RORB: variants seen among roughly 807,000 people sequenced by gnomAD.
RORB encodes the protein nuclear receptor ROR-beta.
Under a neutral mutation model 59.1 loss-of-function variants are expected in RORB, and 6 were observed. The observed-to-expected ratio is 0.10, with a 90% confidence interval of 0.06 to 0.20. The LOEUF (loss-of-function observed/expected upper bound fraction) is 0.20, where lower values mean the gene tolerates loss of function less well. Among genes scored for constraint, RORB ranks in the 10% least tolerant of loss-of-function variants. The pLI is 1.00. For synonymous variants in RORB, 215 were observed against 204.5 expected, an observed-to-expected ratio of 1.05 and a Z score of -0.44; for missense variants, 320 against 560.5, an observed-to-expected ratio of 0.57 and a Z score of 4.33.
At chr9:74,532,841 C>CATAT (rs1554664995) in intron 1 of RORB, among the ~76,000 whole-genome samples, 3 of 134,214 alleles carry the variant, frequency 2.2e-5, no homozygotes, top group Admixed American at 2.2e-4. Context: ...TATATATACA[C>CATAT]ATATATATAC....
chr9:74,661,268 TTAA>T (rs1340913999), intron 5 of RORB, among the ~76,000 whole-genome samples: 1 of 152,226 alleles, frequency 6.6e-6, no homozygotes, highest in Non-Finnish European at 1.5e-5. Context: ...GAAGAAGTTT[TTAA>T]GAGGAATTTA....
chr9:74,605,529 CTTAGA>C (rs1823136288), intron 1 of RORB, among the ~76,000 whole-genome samples: 1 of 152,186 alleles, frequency 6.6e-6, no homozygotes, highest in Non-Finnish European at 1.5e-5. Flanking sequence ...CTGTCTGCTC[CTTAGA>C]TTAAAGAGGA....
intron 1 of RORB, among the ~76,000 whole-genome samples, chr9:74,555,680 G>T (rs972568860): frequency 1.3e-5 from 2 of 152,164 alleles, no homozygotes; most frequent in Non-Finnish European, 1.5e-5. Flanking sequence ...TCAGATCCTG[G>T]AGTGTCCACA....
chr9:74,663,227 T>A (rs974605654), intron 6 of RORB, among the ~76,000 whole-genome samples: 2 of 152,098 alleles, frequency 1.3e-5, no homozygotes, highest in Non-Finnish European at 2.9e-5. Context: ...ATAAGAACCA[T>A]GATGGTGTTT....
intron 7 of RORB, among the ~76,000 whole-genome samples, chr9:74,666,900 A>T (rs1786154646): frequency 6.6e-6 from 1 of 152,248 alleles, no homozygotes; most frequent in Non-Finnish European, 1.5e-5. Flanking sequence ...GGTTTTAACG[A>T]TTGATAGTGC....
rs1563921215 is a variant in RORB, at chr9:74,497,927, C to G, written c.-50C>G. 4 of 1,606,730 alleles carry G rather than the reference C, an allele frequency of 2.5e-6. No individual in the cohort carries two copies. The Admixed American group carries it at 5.1e-5, about 20-fold the overall frequency. On this transcript the variant is annotated 5_prime_UTR_variant, in exon 1 of 10. Coordinates refer to ENST00000376896, the MANE Select transcript of RORB (RefSeq NM_006914.4). ...CGGGATTTTTGGGCTCTCCGGGGTT[C>G]GGGCTGGGAGCAGCTTCATGACTAC...
At position 74,642,771 on chromosome 9, in the gene RORB, T is replaced by G; in HGVS notation, c.593T>G (p.Phe198Cys). The G allele has an allele frequency of 6.2e-7, 1 of 1,610,900 alleles. No homozygotes were observed. The highest frequency in any genetic ancestry group is 1.7e-5 in the Admixed American group (1 of 59,918). Reference sequence around the variant, plus strand: ...CCCAACTTGTTTACCTATAGCTCTTTCAACAATGGGCAGTTAGCACCAGGG... The same window carrying G: ...CCCAACTTGTTTACCTATAGCTCTTGCAACAATGGGCAGTTAGCACCAGGG... Reference protein sequence around the residue: ...SVPNLFTYSSFNNGQLAPGIT... With the variant: ...SVPNLFTYSSCNNGQLAPGIT... The change falls in exon 4 of 10, where the codon TTC becomes TGC. Residue 198 changes from phenylalanine (F) to cysteine (C), a missense_variant. Transcript: ENST00000376896.
In RORB at chr9:74,668,273, C is replaced by T. The variant is rs140483219; in HGVS notation, c.1111+372C>T. On this transcript the variant is annotated intron_variant, in intron 8 of 9. Transcript: ENST00000376896. Reference sequence around the variant, plus strand: ...TTGGATGAGACACAGTAGAAATGTACCTAAATGAAAGCTCCAGAATGGGGA... The same window carrying T: ...TTGGATGAGACACAGTAGAAATGTATCTAAATGAAAGCTCCAGAATGGGGA... Among the ~76,000 whole-genome samples, 11 of 152,232 alleles carry T rather than the reference C, an allele frequency of 7.2e-5. No homozygotes were observed. The East Asian group carries it at 2.1e-3, about 29-fold the overall frequency.
intron 2 of RORB, among the ~76,000 whole-genome samples, chr9:74,633,365 G>A (rs929606205): frequency 2.6e-4 from 40 of 152,194 alleles, no homozygotes; most frequent in African/African-American, 9.6e-4. Flanking sequence ...GGAAGTCAGG[G>A]GATCTATTCC....
chr9:74,684,796 C>T (rs934517360), intron 9 of RORB, among the ~76,000 whole-genome samples: 1 of 152,152 alleles, frequency 6.6e-6, no homozygotes, highest in African/African-American at 2.4e-5. Context: ...TAGAGAGCCA[C>T]TCTACAAGTG....
chr9:74,608,959 G>A lies in RORB; in HGVS notation c.8-21323G>A, dbSNP rs1487491910. Among the ~76,000 whole-genome samples, 6 of 152,252 alleles carry A rather than the reference G, an allele frequency of 3.9e-5. No individual in the cohort carries two copies. In the South Asian group the frequency reaches 1.2e-3, roughly 32 times the overall value. On this transcript the variant is annotated intron_variant, in intron 1 of 9. Coordinates refer to ENST00000376896, the MANE Select transcript of RORB (RefSeq NM_006914.4). Reference sequence around the variant, plus strand: ...CAATACAGATTTGACAGAACAAAATGCTGTCATGACTGAAGAAATATTTTT... The same window carrying A: ...CAATACAGATTTGACAGAACAAAATACTGTCATGACTGAAGAAATATTTTT...
intron 9 of RORB, among the ~76,000 whole-genome samples, chr9:74,672,162 T>G (rs1188589417): frequency 5.3e-5 from 8 of 152,198 alleles, no homozygotes; most frequent in Non-Finnish European, 1.2e-4. Context: ...CAAGGGTGTT[T>G]CATCAGAAGA....
intron 1 of RORB, among the ~76,000 whole-genome samples, chr9:74,585,604 G>A (rs1378492237): frequency 1.3e-5 from 2 of 152,036 alleles, no homozygotes; most frequent in Non-Finnish European, 2.9e-5. Context: ...GCCTTGTCCT[G>A]ACCATTAGAT....
chr9:74,615,412 C>T (rs889460038), intron 1 of RORB, among the ~76,000 whole-genome samples: 4 of 152,286 alleles, frequency 2.6e-5, no homozygotes, highest in East Asian at 1.9e-4. Flanking sequence ...CCACCTTCTG[C>T]GCCTGAGCCA....
At chr9:74,674,649 AGAAGGTTT>A (rs1227598874) in intron 9 of RORB, among the ~76,000 whole-genome samples, 1 of 152,210 alleles carries the variant, frequency 6.6e-6, no homozygotes, top group African/African-American at 2.4e-5. Context: ...CTTTAACCTT[AGAAGGTTT>A]GAAAATTTGG....
At position 74,679,123 on chromosome 9, in the gene RORB, AG is replaced by A. The variant is rs1244015728; in HGVS notation, c.1225-6338del. ...TGGGTGTTATATTAGAATTCCTAGC[AG>A]GTGGGACTAGAGATTTGGGTTCACT... On this transcript the variant is annotated intron_variant, in intron 9 of 9. Transcript: ENST00000376896. Among the ~76,000 whole-genome samples, 7 of 152,160 alleles carry A rather than the reference AG, an allele frequency of 4.6e-5. No homozygotes were observed. In the East Asian group the frequency reaches 1.4e-3, roughly 29 times the overall value.
intron 1 of RORB, among the ~76,000 whole-genome samples, chr9:74,562,073 C>T (rs527491717): frequency 1.4e-4 from 22 of 152,254 alleles, no homozygotes; most frequent in East Asian, 5.8e-4. Flanking sequence ...GTTGTCAGTA[C>T]GTCATATTGC....
At chr9:74,551,965 G>A (rs1826615980) in intron 1 of RORB, among the ~76,000 whole-genome samples, 1 of 152,126 alleles carries the variant, frequency 6.6e-6, no homozygotes. Context: ...GAGAGCTGAG[G>A]TATCACTACA....
At chr9:74,672,363 C>G (rs1563970729) in intron 9 of RORB, among the ~76,000 whole-genome samples, 1 of 152,180 alleles carries the variant, frequency 6.6e-6, no homozygotes, top group Non-Finnish European at 1.5e-5. Context: ...GCAGTGAGCT[C>G]TGTGTCATAG....
Sources: gnomAD v4.1 joint callset for allele counts (sites outside exome capture counted in the v4.1 genomes callset) on GRCh38, gnomAD v4.1.1 for gene constraint, MANE v1.5 for transcripts, NCBI Gene and HGNC (gene_info 2026-07-23, HGNC 2026-07-21) for gene names.